SLC44A3: variants seen among roughly 807,000 people sequenced by gnomAD.
SLC44A3 encodes solute carrier family 44 member 3.
In SLC44A3, 74 loss-of-function variants were observed where a neutral mutation model predicts 75.4. That is an observed-to-expected ratio of 0.98 (90% CI 0.81 to 1.19). The LOEUF (loss-of-function observed/expected upper bound fraction) is 1.19, where lower values mean the gene tolerates loss of function less well. Among genes scored for constraint, SLC44A3 ranks in the 50% most tolerant of loss-of-function variants. The pLI, the probability that SLC44A3 is intolerant of heterozygous loss-of-function variation, is 0.00. For missense variants in SLC44A3, 700 were observed against 778.6 expected (o/e 0.90, Z 1.20); for synonymous variants, 310 against 296.9 (o/e 1.04, Z -0.45).
chr1:94,884,644 A>G (rs1181192935), intron 12 of SLC44A3, among the ~76,000 whole-genome samples: 1 of 152,162 alleles, frequency 6.6e-6, no homozygotes, highest in Admixed American at 6.5e-5. Flanking sequence ...CCTTCCCTCC[A>G]CTACGGAGGG....
intron 10 of SLC44A3, among the ~76,000 whole-genome samples, chr1:94,863,999 A>T (rs180773612): frequency 7.9e-5 from 12 of 152,224 alleles, no homozygotes; most frequent in Non-Finnish European, 1.5e-5. Context: ...TTCAGCGGGA[A>T]TTCAAAGGGT....
chr1:94,857,405 G>T lies in SLC44A3; in HGVS notation c.1143G>T (p.Ser381=). Residue 381 remains serine (S), a synonymous_variant, in exon 10 of 15, where the codon TCG becomes TCT. Coordinates refer to ENST00000271227, the MANE Select transcript of SLC44A3 (RefSeq NM_001114106.3). ...KPLSGIRYMW[S]YHLIGLIWTS... ...TTTCGGGCATTCGGTACATGTGGTC[G>T]TACCATTTAATTGGCCTCATCTGGA... is the stretch of plus-strand genomic sequence containing the variant. The T allele has an allele frequency of 6.2e-7, 1 of 1,614,042 alleles. No individual in the cohort carries two copies. The highest frequency in any genetic ancestry group is 8.5e-7 in the Non-Finnish European group (1 of 1,179,950).
intron 10 of SLC44A3, among the ~76,000 whole-genome samples, chr1:94,858,673 G>GTGTTTGTTTGTTTGTT (rs59998353): frequency 3.3e-4 from 50 of 149,906 alleles, no homozygotes; most frequent in African/African-American, 1.1e-3. Context: ...GCACTGTCGG[G>GTGTTTGTTTGTTTGTT]TGTTTGTTTG....
At chr1:94,888,641 CT>C (rs370440327) in intron 12 of SLC44A3, 41,814 of 655,434 alleles carry the variant, frequency 0.064, 1 homozygote, top group Middle Eastern at 0.075. Context: ...GTGGAACTTT[CT>C]TTTTTTTTTT....
At chr1:94,892,635 G>A (rs1557899548) in intron 14 of SLC44A3, 118 bp downstream of exon 14, 2 of 979,500 alleles carry the variant, frequency 2.0e-6, no homozygotes, top group Admixed American at 2.1e-5. Flanking sequence ...GGGCTCTGAG[G>A]CTTCTACTAC....
Position 94,874,258 on chromosome 1 carries a change from A to G in SLC44A3, c.1482+6841A>G, listed in dbSNP as rs537209285. 1.4e-3 allele frequency among the ~76,000 whole-genome samples: 211 copies of G among 152,334 alleles called. 2 individuals are homozygous for G. The South Asian group carries it at 0.017, about 12-fold the overall frequency. ...ACTGAATCCTCATGTTTCCTGGTGCATGGTTCAGAAGCTGCCAGGCATATG... is the reference window on the plus strand; with the variant it reads ...ACTGAATCCTCATGTTTCCTGGTGCGTGGTTCAGAAGCTGCCAGGCATATG... On this transcript the variant is annotated intron_variant, in intron 12 of 14. Transcript: ENST00000271227.
chr1:94,852,432 G>A (rs916347185), intron 9 of SLC44A3, among the ~76,000 whole-genome samples: 2 of 152,148 alleles, frequency 1.3e-5, no homozygotes, highest in Non-Finnish European at 2.9e-5. Context: ...AGGCACAGAG[G>A]CTGGCAAGAG....
intron 10 of SLC44A3, among the ~76,000 whole-genome samples, chr1:94,861,516 TA>T (rs938200859): frequency 1.6e-4 from 25 of 152,200 alleles, no homozygotes; most frequent in Admixed American, 4.6e-4. Context: ...TTACTTTGAT[TA>T]AAAAAAATTA....
At chr1:94,881,385 CA>C (rs1668951651) in intron 12 of SLC44A3, among the ~76,000 whole-genome samples, 1 of 152,192 alleles carries the variant, frequency 6.6e-6, no homozygotes, top group South Asian at 2.1e-4. Context: ...TTCTGGGCTT[CA>C]AATCAGAGAA....
intron 9 of SLC44A3, among the ~76,000 whole-genome samples, chr1:94,846,421 T>C (rs1030275423): frequency 6.6e-6 from 1 of 152,176 alleles, no homozygotes; most frequent in African/African-American, 2.4e-5. Context: ...AGGGCAAGCA[T>C]ATTCTAAAGC....
At position 94,894,999 on chromosome 1, in the gene SLC44A3, G is replaced by A. The variant is rs1263942616; in HGVS notation, c.*77G>A. 8.7e-7 allele frequency: 1 copy of A among 1,149,814 alleles called. No homozygotes were observed. The highest frequency in any genetic ancestry group is 1.6e-5 in the African/African-American group (1 of 63,458). The allele number at this position is 1,149,814 out of a possible 1,614,324, so 71.2% of individuals were successfully genotyped here. ...TACAGAATAGAAGATGAGACCACTA[G>A]AGAAAAGTTAGTGAATTTTTTTTTA... On this transcript the variant is annotated 3_prime_UTR_variant, in exon 15 of 15. Coordinates refer to ENST00000271227, the MANE Select transcript of SLC44A3 (RefSeq NM_001114106.3).
chr1:94,852,115 T>C (rs1665290785), intron 9 of SLC44A3, among the ~76,000 whole-genome samples: 1 of 152,162 alleles, frequency 6.6e-6, no homozygotes, highest in African/African-American at 2.4e-5. Context: ...CAAATATTTA[T>C]TGAATATTTA....
intron 9 of SLC44A3, among the ~76,000 whole-genome samples, chr1:94,848,195 C>G (rs190438434): frequency 8.7e-5 from 13 of 149,920 alleles, no homozygotes; most frequent in Non-Finnish European, 1.2e-4. Flanking sequence ...CACCACTGCA[C>G]TCCAGCATGG....
At chr1:94,860,809 G>A (rs1666477772) in intron 10 of SLC44A3, among the ~76,000 whole-genome samples, 1 of 152,218 alleles carries the variant, frequency 6.6e-6, no homozygotes, top group Admixed American at 6.5e-5. Flanking sequence ...TGAAACTCAT[G>A]TGTAAGCCAG....
At chr1:94,848,529 C>T (rs1664756873) in intron 9 of SLC44A3, among the ~76,000 whole-genome samples, 2 of 152,176 alleles carry the variant, frequency 1.3e-5, no homozygotes, top group African/African-American at 4.8e-5. Flanking sequence ...GCAGCTGGCC[C>T]AGCCAGGGGG....
chr1:94,891,087 T>C (rs750872333), intron 12 of SLC44A3, 43 bp from the exon 13 acceptor site: 3 of 1,547,928 alleles, frequency 1.9e-6, no homozygotes, highest in Non-Finnish European at 2.6e-6. Context: ...TTAAAAACAA[T>C]TGTTATAAGA....
At chr1:94,841,241 C>A (rs1328151267) in intron 7 of SLC44A3, among the ~76,000 whole-genome samples, 1 of 152,190 alleles carries the variant, frequency 6.6e-6, no homozygotes. Flanking sequence ...TCATGAACCA[C>A]CATCATATAT....
At chr1:94,885,163 A>G (rs1336813724) in intron 12 of SLC44A3, among the ~76,000 whole-genome samples, 1 of 148,966 alleles carries the variant, frequency 6.7e-6, no homozygotes, top group African/African-American at 2.5e-5. Context: ...GAATCAATTG[A>G]CCACAGGAAT....
At chr1:94,852,620 CA>C (rs1166455944) in intron 9 of SLC44A3, among the ~76,000 whole-genome samples, 1 of 152,088 alleles carries the variant, frequency 6.6e-6, no homozygotes, top group Non-Finnish European at 1.5e-5. Flanking sequence ...GGATTTTAAG[CA>C]GAATAAAATC....
Sources: gnomAD v4.1 joint callset for allele counts (sites outside exome capture counted in the v4.1 genomes callset) on GRCh38, gnomAD v4.1.1 for gene constraint, MANE v1.5 for transcripts, NCBI Gene and HGNC (gene_info 2026-07-23, HGNC 2026-07-21) for gene names.